Variants in DIP2C observed in about 807,000 individuals in gnomAD.
DIP2C encodes the protein disco-interacting protein 2 homolog C.
Under a neutral mutation model 192.4 loss-of-function variants are expected in DIP2C, and 33 were observed. The observed-to-expected ratio is 0.17, with a 90% CI of 0.13 to 0.23. The LOEUF is 0.23. Ranked by LOEUF, DIP2C falls within the 10% of genes least tolerant of loss-of-function variation. DIP2C has a pLI of 1.00. For synonymous variants in DIP2C, 979 were observed against 864.1 expected (o/e 1.13, Z -2.33); for missense variants, 1,537 against 2,110.1 (o/e 0.73, Z 5.32).
chr10:605,483 T>A (rs550646290), intron 1 of DIP2C, among the ~76,000 whole-genome samples: 2 of 152,314 alleles, frequency 1.3e-5, no homozygotes, highest in South Asian at 4.1e-4. Context: ...ATGCCCGCCC[T>A]TCGCACCACA....
At chr10:637,795 C>T (rs564517448) in intron 1 of DIP2C, among the ~76,000 whole-genome samples, 1 of 152,348 alleles carries the variant, frequency 6.6e-6, no homozygotes, top group Non-Finnish European at 1.5e-5. Flanking sequence ...CCCAAAAGGG[C>T]AAGCAATCGA....
chr10:658,680 C>T lies in DIP2C; in HGVS notation c.85+30814G>A, dbSNP rs374612621. ...TGTGTGGTGTATTATGTTTCATGTG[C>T]AGGAAATCATTCACAAAGCCTTTAA... On this transcript the variant is annotated intron_variant, in intron 1 of 36. Transcript: ENST00000280886. Among the ~76,000 whole-genome samples the T allele has an allele frequency of 3.2e-3, 483 of 152,282 alleles. 2 individuals carry two copies. Among genetic ancestry groups the T allele is most frequent in the African/African-American group, 0.011 (437 of 41,546 alleles).
intron 1 of DIP2C, among the ~76,000 whole-genome samples, chr10:554,549 C>G (rs780527338): frequency 4.1e-4 from 63 of 152,110 alleles, no homozygotes; most frequent in Non-Finnish European, 1.6e-4. Context: ...GTGAATGGTG[C>G]GAGGAAGTGG....
intron 5 of DIP2C, among the ~76,000 whole-genome samples, 178 bp downstream of exon 5, chr10:422,646 T>G (rs1966277133): frequency 6.6e-6 from 1 of 152,200 alleles, no homozygotes; most frequent in Non-Finnish European, 1.5e-5. Flanking sequence ...GGGAGGGACC[T>G]GGGCATGAGA....
At chr10:382,109 A>C (rs763471994) in intron 17 of DIP2C, among the ~76,000 whole-genome samples, 7 of 152,266 alleles carry the variant, frequency 4.6e-5, no homozygotes, top group African/African-American at 1.4e-4. Flanking sequence ...CTTCTGGTGC[A>C]TGACATGAGA....
intron 1 of DIP2C, among the ~76,000 whole-genome samples, chr10:556,437 G>A (rs575330951): frequency 8.8e-5 from 12 of 136,966 alleles, no homozygotes; most frequent in Non-Finnish European, 1.2e-4. Flanking sequence ...GTGTCATCAC[G>A]CAGCCACCCA....
At chr10:405,708 T>A (rs1348831624) in intron 9 of DIP2C, among the ~76,000 whole-genome samples, 2 of 152,226 alleles carry the variant, frequency 1.3e-5, no homozygotes, top group African/African-American at 4.8e-5. Context: ...ACTTCTTTGA[T>A]ACTTCACTGT....
At chr10:546,189 G>GGA (rs1322273461) in intron 1 of DIP2C, among the ~76,000 whole-genome samples, 2 of 151,262 alleles carry the variant, frequency 1.3e-5, no homozygotes, top group African/African-American at 2.4e-5. Flanking sequence ...GGCTGAGGCA[G>GGA]GAGAATCACT....
chr10:564,291 C>T (rs1337631923), intron 1 of DIP2C, among the ~76,000 whole-genome samples: 1 of 151,984 alleles, frequency 6.6e-6, no homozygotes, highest in Non-Finnish European at 1.5e-5. Context: ...CCATCCTCAT[C>T]TCCTTGATCT....
chr10:414,742 CAT>C (rs1554848029), intron 7 of DIP2C, among the ~76,000 whole-genome samples: 4 of 112,554 alleles, frequency 3.6e-5, no homozygotes, highest in African/African-American at 1.1e-4. Context: ...TGTGTGTGTA[CAT>C]ATATATATAT....
intron 36 of DIP2C, 108 bp downstream of exon 36, chr10:281,092 C>G (rs962214245): frequency 1.2e-5 from 18 of 1,477,032 alleles, no homozygotes; most frequent in Admixed American, 3.8e-5. Flanking sequence ...AATCGCACCC[C>G]CTTCCCTACC....
chr10:460,659 C>CA, intron 3 of DIP2C, among the ~76,000 whole-genome samples: 1 of 152,196 alleles, frequency 6.6e-6, no homozygotes, highest in East Asian at 1.9e-4. Flanking sequence ...AGAACTTCCC[C>CA]AACCAACCAA....
chr10:636,845 G>A lies in DIP2C; in HGVS notation c.85+52649C>T, dbSNP rs79892665. 1.2e-3 allele frequency among the ~76,000 whole-genome samples: 185 copies of A among 152,290 alleles called. 3 individuals are homozygous for A. In the East Asian group the frequency reaches 0.021, roughly 17 times the overall value. On this transcript the variant is annotated intron_variant, in intron 1 of 36. Transcript: ENST00000280886. This position sits in a 1 kb window ranked among gnomAD's most constrained non-coding sequence, Gnocchi z 4.6. ...AAACAGGAAGTTTCAGTCTCGAGGCGCAATCACCTTCCGTCATACACTTCT... is the reference window on the plus strand; with the variant it reads ...AAACAGGAAGTTTCAGTCTCGAGGCACAATCACCTTCCGTCATACACTTCT...
At chr10:356,012 G>C (rs1040659589) in intron 24 of DIP2C, among the ~76,000 whole-genome samples, 16 of 152,212 alleles carry the variant, frequency 1.1e-4, no homozygotes, top group African/African-American at 3.9e-4. Flanking sequence ...CCAGGGAGGT[G>C]GAGGTTGCAG....
chr10:527,284 G>A (rs563172532), intron 1 of DIP2C, among the ~76,000 whole-genome samples: 1 of 152,196 alleles, frequency 6.6e-6, no homozygotes, highest in African/African-American at 2.4e-5. Context: ...CTGGCCTCCC[G>A]ACCCTCCCCG....
At chr10:353,847 TTTC>T (rs563398013) in intron 24 of DIP2C, among the ~76,000 whole-genome samples, 114 of 152,348 alleles carry the variant, frequency 7.5e-4, no homozygotes, top group Non-Finnish European at 1.3e-3. Flanking sequence ...GAATTTCATG[TTTC>T]TTCTTCCTTT....
rs1331190558 is a variant in DIP2C, at chr10:413,951, A to G, written c.1019T>C (p.Met340Thr). Residue 340 changes from methionine to threonine, a missense_variant, in exon 8 of 37, where the codon ATG becomes ACG. Physicochemically the swap from Met to Thr is moderately conservative, Grantham distance 81 (BLOSUM62 -1). Transcript: ENST00000280886. Reference sequence around the variant, plus strand: ...GTAGAGGGGCTTCCCGTTGGTGTCCATGGTGGTCAGGCAGGGCGCCTTGGG... The same window carrying G: ...GTAGAGGGGCTTCCCGTTGGTGTCCGTGGTGGTCAGGCAGGGCGCCTTGGG... The part of the protein sequence containing the change: ...ISPKAPCLTT[M>T]DTNGKPLYIL... 12 of 1,614,074 alleles carry G rather than the reference A, an allele frequency of 7.4e-6. No homozygotes were observed. The Admixed American group carries it at 1.7e-4, about 22-fold the overall frequency.
At chr10:311,674 G>A in intron 31 of DIP2C, 5 of 943,994 alleles carry the variant, frequency 5.3e-6, no homozygotes, top group Non-Finnish European at 6.9e-6. Flanking sequence ...TGAAAAATGG[G>A]ATGGAGAAGA....
At chr10:589,025 T>TC (rs1851251887) in intron 1 of DIP2C, among the ~76,000 whole-genome samples, 1 of 152,108 alleles carries the variant, frequency 6.6e-6, no homozygotes, top group East Asian at 1.9e-4. Context: ...CATCAGCCGC[T>TC]CCAGCAGGGG....
Sources: allele counts gnomAD v4.1 joint callset (sites outside exome capture counted in the v4.1 genomes callset), GRCh38; gene constraint gnomAD v4.1.1; non-coding constraint Gnocchi (gnomAD v3.1); transcripts MANE v1.5; gene names NCBI Gene and HGNC (gene_info 2026-07-23, HGNC 2026-07-21).